Variants in GOLGA4 observed in about 807,000 individuals in gnomAD.
GOLGA4 encodes the protein golgin A4, also known as golgin subfamily A member 4.
A neutral mutation model predicts 265.9 loss-of-function variants in GOLGA4; 169 were observed. The observed-to-expected ratio is 0.64, with a 90% CI of 0.56 to 0.72. GOLGA4 has a LOEUF of 0.72. GOLGA4 is among the 30% of genes least tolerant of loss of function. The pLI is 0.00. For synonymous variants in GOLGA4, 923 were observed against 855.8 expected (o/e 1.08, Z -1.37); for missense variants, 2,482 against 2,483.4 (o/e 1.00, Z 0.01).
intron 2 of GOLGA4, chr3:37,276,411 T>C (rs1481026663): frequency 6.2e-7 from 1 of 1,608,700 alleles, no homozygotes; most frequent in Non-Finnish European, 8.5e-7. Flanking sequence ...TGGAAAAACT[T>C]GACCAAAGAA....
At chr3:37,336,095 G>A (rs1361050714) in intron 17 of GOLGA4, among the ~76,000 whole-genome samples, 1 of 152,172 alleles carries the variant, frequency 6.6e-6, no homozygotes, top group African/African-American at 2.4e-5. Context: ...CCTCTATAAA[G>A]AGCTTTGCTA....
intron 23 of GOLGA4, among the ~76,000 whole-genome samples, chr3:37,365,379 C>T (rs561475539): frequency 5.1e-4 from 77 of 152,274 alleles, no homozygotes; most frequent in African/African-American, 1.5e-3. Flanking sequence ...AGTGATTTCT[C>T]CTGCCTCAGC....
rs60890140 is a variant in GOLGA4, at chr3:37,314,642, AACACACACAC to A, written c.1235-747_1235-738del. On this transcript the variant is annotated intron_variant, in intron 10 of 23. Transcript: ENST00000361924. Reference sequence around the variant, plus strand: ...GGTGACGGAGCAAGACTCCGTCTCAAACACACACACACACACACACACACACACACACACA... The same window carrying A: ...GGTGACGGAGCAAGACTCCGTCTCAAACACACACACACACACACACACACA... Among the ~76,000 whole-genome samples, 277 of 139,054 alleles carry A rather than the reference AACACACACAC, an allele frequency of 2.0e-3. 1 individual carries two copies. The highest frequency in any genetic ancestry group is 5.7e-3 in the African/African-American group (209 of 36,900). The allele number at this position is 139,054 out of a possible 152,430, so 91.2% of individuals were successfully genotyped here.
chr3:37,256,252 A>G (rs2096748381), intron 2 of GOLGA4, among the ~76,000 whole-genome samples: 1 of 152,066 alleles, frequency 6.6e-6, no homozygotes, highest in Non-Finnish European at 1.5e-5. Context: ...ATCGTTTTAC[A>G]TTCATGCTTT....
intron 21 of GOLGA4, among the ~76,000 whole-genome samples, chr3:37,351,246 A>G (rs750998643): frequency 6.6e-6 from 1 of 151,990 alleles, no homozygotes; most frequent in African/African-American, 2.4e-5. Flanking sequence ...ATACGAAGCA[A>G]CTCCTCATCC....
rs1421654800 is a variant in GOLGA4, at chr3:37,295,209, CA to C, written c.681+134del. On this transcript the variant is annotated intron_variant, in intron 6 of 23. Transcript: ENST00000361924. Reference sequence around the variant, plus strand: ...TATTTTTAAAACTTTTTGCTTTCCTCAATTTTTTTTATTTTTAATTTTTTTT... The same window carrying C: ...TATTTTTAAAACTTTTTGCTTTCCTCATTTTTTTTATTTTTAATTTTTTTT... 9.0e-4 allele frequency: 468 copies of C among 521,634 alleles called. 5 individuals are homozygous for C. The highest frequency in any genetic ancestry group is 5.4e-4 in the Admixed American group (14 of 25,808). 32.3% of individuals were successfully genotyped at this position (521,634 alleles called of 1,614,324 possible).
At chr3:37,262,006 G>A (rs1159926272) in intron 2 of GOLGA4, among the ~76,000 whole-genome samples, 1 of 152,030 alleles carries the variant, frequency 6.6e-6, no homozygotes, top group Non-Finnish European at 1.5e-5. Flanking sequence ...TAAATGCTAA[G>A]AAGGCCACCA....
In GOLGA4 at chr3:37,276,035, A is replaced by T. The variant is rs3774318; in HGVS notation, c.163-5923A>T. On this transcript the variant is annotated intron_variant, in intron 2 of 23. Coordinates refer to ENST00000361924, the MANE Select transcript of GOLGA4 (RefSeq NM_002078.5). ...AAGTACTTCCAGCGGCAATGTAAGC[A>T]ACAGAAAGGATGAGACAAATGCTCG... 653 of 1,612,880 alleles carry T rather than the reference A, an allele frequency of 4.0e-4. 4 individuals carry two copies. In the East Asian group the frequency reaches 0.013, roughly 31 times the overall value.
chr3:37,286,277 C>T (rs2096849038), intron 4 of GOLGA4, among the ~76,000 whole-genome samples: 1 of 150,048 alleles, frequency 6.7e-6, no homozygotes, highest in Admixed American at 6.6e-5. Context: ...CCTCAGCCTC[C>T]CGAGTAGCTG....
At chr3:37,323,143 A>G (rs1310456617) in intron 13 of GOLGA4, among the ~76,000 whole-genome samples, 1 of 92,278 alleles carries the variant, frequency 1.1e-5, no homozygotes, top group African/African-American at 3.9e-5. Context: ...TTTTTTTCCA[A>G]GACAGAGGAG....
chr3:37,332,129 TCTC>T (rs746546352), intron 16 of GOLGA4, among the ~76,000 whole-genome samples: 7 of 152,232 alleles, frequency 4.6e-5, no homozygotes, highest in Non-Finnish European at 8.8e-5. Context: ...ATTTATTACT[TCTC>T]CTCCTAAATA....
intron 1 of GOLGA4, chr3:37,244,281 G>A (rs576791644): frequency 4.6e-5 from 7 of 152,418 alleles, no homozygotes; most frequent in African/African-American, 1.7e-4. Context: ...TCCGGGACTG[G>A]CGGGCGGAGG....
rs921553868 is a variant in GOLGA4 at position 37,334,922 on chromosome 3, A to G, written c.6193-131A>G. On this transcript the variant is annotated intron_variant, in intron 16 of 23. Coordinates refer to ENST00000361924, the MANE Select transcript of GOLGA4 (RefSeq NM_002078.5). The stretch of plus-strand genomic sequence containing the variant: ...CAGTAGTGTGTGTCTCAAAAACTTA[A>G]ATGTTTATTTCCCTACAGAGGTAGT... 8.6e-6 allele frequency: 5 copies of G among 578,220 alleles called. No individual in the cohort carries two copies. The African/African-American group carries it at 9.4e-5, about 11-fold the overall frequency. The allele number at this position is 578,220 out of a possible 1,614,324, so 35.8% of individuals were successfully genotyped here. A position where few individuals can be genotyped will look rare whatever the true frequency, so the allele number is the denominator to read the frequency against.
At chr3:37,254,459 GT>G (rs1331612929) in intron 2 of GOLGA4, among the ~76,000 whole-genome samples, 4 of 151,626 alleles carry the variant, frequency 2.6e-5, no homozygotes, top group African/African-American at 4.8e-5. Context: ...TTTGTTTTTT[GT>G]TTTTTTAATT....
intron 3 of GOLGA4, among the ~76,000 whole-genome samples, chr3:37,284,222 T>C (rs2096842110): frequency 6.6e-6 from 1 of 152,196 alleles, no homozygotes; most frequent in South Asian, 2.1e-4. Context: ...CAGGGATACA[T>C]GTTCAGGATG....
chr3:37,273,067 A>G lies in GOLGA4; in HGVS notation c.163-8891A>G, dbSNP rs917282823. ...ATTTCATTTAGATTGCTAACTTCAA[A>G]TGAATGAGACATTACCGTTTCTTGC... On this transcript the variant is annotated intron_variant, in intron 2 of 23. Transcript: ENST00000361924. Among the ~76,000 whole-genome samples the G allele has an allele frequency of 6.6e-5, 10 of 152,358 alleles. No homozygotes were observed. The South Asian group carries it at 1.5e-3, about 22-fold the overall frequency.
At chr3:37,351,420 CTG>C (rs1215261793) in intron 21 of GOLGA4, among the ~76,000 whole-genome samples, 6 of 152,160 alleles carry the variant, frequency 3.9e-5, no homozygotes, top group Non-Finnish European at 8.8e-5. Flanking sequence ...TTCCAAACCC[CTG>C]TTAATGTTGA....
chr3:37,362,276 G>A (rs1051294560), intron 23 of GOLGA4, among the ~76,000 whole-genome samples: 5 of 139,512 alleles, frequency 3.6e-5, no homozygotes, highest in African/African-American at 8.1e-5. Context: ...TCGCTCTGTC[G>A]CCCAGGCTGG....
intron 2 of GOLGA4, among the ~76,000 whole-genome samples, chr3:37,263,327 G>A (rs989787332): frequency 6.6e-6 from 1 of 152,054 alleles, no homozygotes. Flanking sequence ...CTTGTTCTGT[G>A]TTTTGTTTTA....
Sources: gnomAD v4.1 joint callset for allele counts (sites outside exome capture counted in the v4.1 genomes callset) on GRCh38, gnomAD v4.1.1 for gene constraint, MANE v1.5 for transcripts, NCBI Gene and HGNC (gene_info 2026-07-23, HGNC 2026-07-21) for gene names.